NFIB: variants seen among roughly 807,000 people sequenced by gnomAD.
NFIB encodes the protein nuclear factor I B.
In NFIB, 11 loss-of-function variants were observed where a neutral mutation model predicts 61.5. The observed-to-expected ratio is 0.18, with a 90% CI of 0.11 to 0.30. The LOEUF (loss-of-function observed/expected upper bound fraction) is 0.30, where lower values mean the gene tolerates loss of function less well. Among genes scored for constraint, NFIB ranks in the 10% least tolerant of loss-of-function variants. NFIB has a pLI of 1.00. For missense variants in NFIB, 471 were observed against 608.9 expected (o/e 0.77, Z 2.38); for synonymous variants, 260 against 216.5 (o/e 1.20, Z -1.76).
At position 14,381,611 on chromosome 9, in the gene NFIB, G is replaced by A. The variant is rs558093568; in HGVS notation, c.108+16913C>T. 3.9e-5 allele frequency among the ~76,000 whole-genome samples: 6 copies of A among 152,344 alleles called. No individual in the cohort carries two copies. The East Asian group carries it at 5.8e-4, about 15-fold the overall frequency. On this transcript the variant is annotated intron_variant, in intron 1 of 8. Coordinates refer to the NFIB transcript ENST00000380934. Reference sequence around the variant, plus strand: ...TGATGCAAATACATCCAGGCAGCTGGTGTCATTTTGTGACTAAGAGCAAGT... The same window carrying A: ...TGATGCAAATACATCCAGGCAGCTGATGTCATTTTGTGACTAAGAGCAAGT...
chr9:14,423,612 T>C, the NFIB span, among the ~76,000 whole-genome samples: 1 of 152,232 alleles, frequency 6.6e-6, no homozygotes, highest in Non-Finnish European at 1.5e-5. Context: ...TCATCCATCA[T>C]TGTCCTCCCT....
intron 2 of NFIB, among the ~76,000 whole-genome samples, chr9:14,229,755 C>A (rs1192753442): frequency 3.3e-5 from 5 of 152,136 alleles, no homozygotes; most frequent in African/African-American, 9.7e-5. Context: ...CCATCTTAGA[C>A]CTCTCTCTGT....
At chr9:14,322,872 C>A (rs1693448577) in intron 1 of NFIB, among the ~76,000 whole-genome samples, 1 of 152,034 alleles carries the variant, frequency 6.6e-6, no homozygotes, top group South Asian at 2.1e-4. Flanking sequence ...GTCTCGGGGG[C>A]TGCTGCCCAG....
At chr9:14,113,203 T>A (rs2037644515) in intron 9 of NFIB, 122 bp from the exon 10 acceptor site, 11 of 724,220 alleles carry the variant, frequency 1.5e-5, no homozygotes, top group Non-Finnish European at 2.4e-5. Context: ...TGTCTTCATT[T>A]CTCTTCTCTT....
At chr9:14,477,083 C>T in the NFIB span, among the ~76,000 whole-genome samples, 1 of 152,144 alleles carries the variant, frequency 6.6e-6, no homozygotes, top group Admixed American at 6.5e-5. Context: ...AATGAAAAGG[C>T]AGAGGATGTT....
the NFIB span, among the ~76,000 whole-genome samples, chr9:14,462,169 C>T: frequency 6.6e-6 from 1 of 152,226 alleles, no homozygotes. Context: ...CATTTTAATA[C>T]ACAATCAGTG....
intron 5 of NFIB, 86 bp from the exon 6 acceptor site, chr9:14,146,893 C>G (rs2042330097): frequency 3.2e-6 from 5 of 1,544,474 alleles, no homozygotes; most frequent in South Asian, 2.4e-5. Context: ...AAGATCCTTA[C>G]TGTGAAAATT....
chr9:14,520,742 A>G, the NFIB span, among the ~76,000 whole-genome samples: 1 of 152,232 alleles, frequency 6.6e-6, no homozygotes, highest in Admixed American at 6.5e-5. Flanking sequence ...GTGAGACAGC[A>G]CCTTCATTTA....
At chr9:14,174,469 T>C (rs1323790201) in intron 3 of NFIB, among the ~76,000 whole-genome samples, 1 of 152,102 alleles carries the variant, frequency 6.6e-6, no homozygotes. Context: ...GACATGAATT[T>C]ATTAAGAAGT....
chr9:14,527,384 G>A, the NFIB span, among the ~76,000 whole-genome samples: 2 of 152,116 alleles, frequency 1.3e-5, no homozygotes, highest in Admixed American at 1.3e-4. Flanking sequence ...TAGCTTAGAA[G>A]TAATAGTAAA....
the NFIB span, among the ~76,000 whole-genome samples, chr9:14,418,875 C>G: frequency 6.6e-6 from 1 of 152,228 alleles, no homozygotes; most frequent in African/African-American, 2.4e-5. Flanking sequence ...GTACATTTGA[C>G]TTCATCTGGG....
chr9:14,113,795 G>A (rs1051044736), intron 9 of NFIB, among the ~76,000 whole-genome samples: 5 of 152,176 alleles, frequency 3.3e-5, no homozygotes, highest in Admixed American at 3.3e-4. Context: ...CCACTAGGTA[G>A]TAAGTATATA....
intron 10 of NFIB, chr9:14,094,249 C>G (rs1258374828): frequency 6.6e-6 from 1 of 152,052 alleles, no homozygotes; most frequent in Non-Finnish European, 1.5e-5. Flanking sequence ...CTGAATTATG[C>G]AAGAGACTTT....
At chr9:14,486,853 G>A in the NFIB span, among the ~76,000 whole-genome samples, 1 of 152,024 alleles carries the variant, frequency 6.6e-6, no homozygotes, top group Non-Finnish European at 1.5e-5. Flanking sequence ...ATATTTTATT[G>A]TTTTCTACAT....
chr9:14,438,972 T>A, the NFIB span, among the ~76,000 whole-genome samples: 1 of 152,098 alleles, frequency 6.6e-6, no homozygotes, highest in African/African-American at 2.4e-5. Flanking sequence ...ACATTAAGAT[T>A]CTGAGGTTTT....
At chr9:14,297,651 C>G (rs762250470) in intron 2 of NFIB, among the ~76,000 whole-genome samples, 1 of 152,058 alleles carries the variant, frequency 6.6e-6, no homozygotes. Context: ...TCTCATCTGT[C>G]AGTGTATCTA....
At chr9:14,414,601 G>A in the NFIB span, among the ~76,000 whole-genome samples, 5 of 149,000 alleles carry the variant, frequency 3.4e-5, 1 homozygote, top group Admixed American at 2.7e-4. Context: ...TCTGTAAAAC[G>A]GAGTTCATAA....
chr9:14,530,344 T>A, the NFIB span, among the ~76,000 whole-genome samples: 1 of 152,050 alleles, frequency 6.6e-6, no homozygotes, highest in Non-Finnish European at 1.5e-5. Context: ...AGTTTGCCAC[T>A]TTAGAGTTTA....
At chr9:14,174,934 C>A (rs555245949) in intron 3 of NFIB, among the ~76,000 whole-genome samples, 4 of 151,982 alleles carry the variant, frequency 2.6e-5, no homozygotes, top group Non-Finnish European at 5.9e-5. Context: ...TTAAAAAGTA[C>A]TAAGTTTGTC....
Sources: allele counts gnomAD v4.1 joint callset (sites outside exome capture counted in the v4.1 genomes callset), GRCh38; gene constraint gnomAD v4.1.1; transcripts MANE v1.5; gene names NCBI Gene and HGNC (gene_info 2026-07-23, HGNC 2026-07-21).